SNTA1: variants seen among roughly 807,000 people sequenced by gnomAD.
SNTA1 encodes the protein syntrophin alpha 1.
In SNTA1, 31 loss-of-function variants were observed where a neutral mutation model predicts 47.1. The observed-to-expected ratio is 0.66, with a 90% CI of 0.49 to 0.89. The LOEUF is 0.89. SNTA1 is among the 40% of genes least tolerant of loss of function. The pLI is 0.00. For synonymous variants in SNTA1, 300 were observed against 313.6 expected, an observed-to-expected ratio of 0.96 and a Z score of 0.46; for missense variants, 575 against 693.0, an observed-to-expected ratio of 0.83 and a Z score of 1.91.
At chr20:33,423,814 T>C (rs1264119281) in intron 2 of SNTA1, among the ~76,000 whole-genome samples, 2 of 152,186 alleles carry the variant, frequency 1.3e-5, no homozygotes, top group Non-Finnish European at 2.9e-5. Context: ...TGACTGAATG[T>C]CCTGGCTGAA....
chr20:33,414,152 C>T (rs780475890), intron 3 of SNTA1, among the ~76,000 whole-genome samples: 8 of 143,996 alleles, frequency 5.6e-5, no homozygotes, highest in Non-Finnish European at 9.0e-5. Flanking sequence ...GCAGGAGAAT[C>T]GCTTGAACCC....
chr20:33,413,130 GA>G (rs1440199400), intron 3 of SNTA1, among the ~76,000 whole-genome samples: 1 of 152,108 alleles, frequency 6.6e-6, no homozygotes, highest in African/African-American at 2.4e-5. Context: ...AAGTAGCTGG[GA>G]TTACAGGCAC....
At chr20:33,432,213 G>T (rs1188930133) in intron 2 of SNTA1, among the ~76,000 whole-genome samples, 1 of 152,156 alleles carries the variant, frequency 6.6e-6, no homozygotes, top group African/African-American at 2.4e-5. Flanking sequence ...GCTACATCCA[G>T]AATGACATCC....
intron 3 of SNTA1, among the ~76,000 whole-genome samples, chr20:33,416,994 TC>T (rs1989894293): frequency 6.8e-6 from 1 of 148,058 alleles, no homozygotes; most frequent in Admixed American, 6.8e-5. Flanking sequence ...GCGCCTGTAG[TC>T]CCAGCTACTT....
chr20:33,411,394 C>A (rs185785822), intron 5 of SNTA1, among the ~76,000 whole-genome samples: 11 of 152,114 alleles, frequency 7.2e-5, no homozygotes, highest in African/African-American at 2.7e-4. Context: ...CTCCTTCACC[C>A]GCCCCATCTG....
chr20:33,414,879 T>C (rs1472707625), intron 3 of SNTA1, among the ~76,000 whole-genome samples: 3 of 152,322 alleles, frequency 2.0e-5, no homozygotes, highest in African/African-American at 7.2e-5. Flanking sequence ...TGGACTTCTT[T>C]TTAAACATGT....
Position 33,408,878 on chromosome 20 carries a change from C to T in SNTA1, c.1248G>A (p.Trp416Ter). Residue 416 changes from tryptophan to a stop codon, truncating the protein, a stop_gained, in exon 7 of 8, where the codon TGG becomes TGA. Transcript: ENST00000217381. LOFTEE classifies it high-confidence loss of function. Reference sequence around the variant, plus strand: ...CAGACAGGCTGCAGGGACGCCCATTCCACGTGCAGGCTGCAGGGAGGGCAC... The same window carrying T: ...CAGACAGGCTGCAGGGACGCCCATTTCACGTGCAGGCTGCAGGGAGGGCAC... ...GVQEVSTACTWNGRPCSLSVH... is the reference protein window; with the variant it reads ...GVQEVSTACT 5 of 1,613,958 alleles carry T rather than the reference C, an allele frequency of 3.1e-6. No homozygotes were observed. Among genetic ancestry groups the T allele is most frequent in the Non-Finnish European group, 4.2e-6 (5 of 1,179,992 alleles).
chr20:33,429,164 C>T (rs549466856), intron 2 of SNTA1, among the ~76,000 whole-genome samples: 1 of 151,362 alleles, frequency 6.6e-6, no homozygotes, highest in African/African-American at 2.4e-5. Context: ...CATGGTGAAA[C>T]CCCACCTATA....
intron 2 of SNTA1, among the ~76,000 whole-genome samples, chr20:33,436,981 A>G (rs866265901): frequency 7.1e-6 from 1 of 139,894 alleles, no homozygotes; most frequent in Non-Finnish European, 1.5e-5. Flanking sequence ...AAAAAAAAAA[A>G]AAGCTAGGCG....
At chr20:33,416,795 G>A (rs912675126) in intron 3 of SNTA1, among the ~76,000 whole-genome samples, 9 of 151,980 alleles carry the variant, frequency 5.9e-5, no homozygotes, top group Admixed American at 5.3e-4. Context: ...CAAATAATTA[G>A]CCAGGCATGG....
intron 1 of SNTA1, 96 bp downstream of exon 1, chr20:33,443,215 G>A: frequency 1.1e-6 from 1 of 950,774 alleles, no homozygotes; most frequent in South Asian, 1.8e-5. Flanking sequence ...CAGACAGGAA[G>A]CCTCCAGCTC....
At position 33,418,837 on chromosome 20, in the gene SNTA1, G is replaced by T. The variant is rs186932839; in HGVS notation, c.497-914C>A. On this transcript the variant is annotated intron_variant, in intron 2 of 7. Coordinates refer to ENST00000217381, the MANE Select transcript of SNTA1 (RefSeq NM_003098.3). Reference sequence around the variant, plus strand: ...AAAAAAAAAAAGACTCCCAGGCTGGGCATGGTGGCTCATGCCTGTAATTCC... The same window carrying T: ...AAAAAAAAAAAGACTCCCAGGCTGGTCATGGTGGCTCATGCCTGTAATTCC... Among the ~76,000 whole-genome samples the T allele has an allele frequency of 2.0e-5, 3 of 148,810 alleles. No individual in the cohort carries two copies. In the East Asian group the frequency reaches 5.9e-4, roughly 29 times the overall value.
At chr20:33,428,995 C>G (rs1197612450) in intron 2 of SNTA1, among the ~76,000 whole-genome samples, 1 of 151,470 alleles carries the variant, frequency 6.6e-6, no homozygotes, top group African/African-American at 2.4e-5. Flanking sequence ...GAGCCAAGAT[C>G]GTACCACTGC....
intron 6 of SNTA1, 81 bp downstream of exon 6, chr20:33,410,054 G>T: frequency 2.1e-6 from 3 of 1,434,822 alleles, no homozygotes; most frequent in Non-Finnish European, 2.9e-6. Flanking sequence ...CTCCTGAAGT[G>T]CCCTAAAGAA....
intron 2 of SNTA1, among the ~76,000 whole-genome samples, chr20:33,423,914 C>T (rs151135931): frequency 2.0e-4 from 30 of 152,244 alleles, no homozygotes; most frequent in African/African-American, 7.0e-4. Flanking sequence ...ATGATAGAGC[C>T]ATTTGTTTAC....
chr20:33,429,805 C>T (rs1291025479), intron 2 of SNTA1, among the ~76,000 whole-genome samples: 1 of 152,040 alleles, frequency 6.6e-6, no homozygotes, highest in Non-Finnish European at 1.5e-5. Context: ...CTCTGTCACC[C>T]AAGTTGGAGT....
chr20:33,417,795 A>T lies in SNTA1; in HGVS notation c.625T>A (p.Phe209Ile), dbSNP rs1366870649. 1.9e-6 allele frequency: 3 copies of T among 1,613,952 alleles called. No homozygotes were observed. Among genetic ancestry groups the T allele is most frequent in the Non-Finnish European group, 2.5e-6 (3 of 1,180,006 alleles). The change falls in exon 3 of 8, where the codon TTC becomes ATC. Residue 209 changes from phenylalanine (F) to isoleucine (I), a missense_variant. Transcript: ENST00000217381. ...AAGGACATGTGTTTGGCCTCGCTGA[A>T]GTTCCGGGGTGTGGGGCCAGGGGAG... ...PSSPGPTPRN[F>I]SEAKHMSLKM...
At chr20:33,426,157 G>A (rs957699236) in intron 2 of SNTA1, among the ~76,000 whole-genome samples, 1 of 151,824 alleles carries the variant, frequency 6.6e-6, no homozygotes, top group African/African-American at 2.4e-5. Context: ...GGTATTAAAA[G>A]ATTCAGCTGG....
chr20:33,409,335 C>T (rs1989680386), intron 6 of SNTA1, among the ~76,000 whole-genome samples: 1 of 152,296 alleles, frequency 6.6e-6, no homozygotes, highest in South Asian at 2.1e-4. Context: ...TCTGGCAACC[C>T]TACCCCAAGT....
Sources: gnomAD v4.1 joint callset for allele counts (sites outside exome capture counted in the v4.1 genomes callset) on GRCh38, gnomAD v4.1.1 for gene constraint, MANE v1.5 for transcripts, NCBI Gene and HGNC (gene_info 2026-07-23, HGNC 2026-07-21) for gene names.